The following SCO1 variants were observed in gnomAD, a reference collection of about 807,000 sequenced individuals.
SCO1 encodes synthesis of cytochrome C oxidase 1, also known as cytochrome c oxidase assembly factor SCO1.
SCO1 carries 23 observed loss-of-function variants against 34.0 expected under a neutral mutation model. The observed-to-expected ratio is 0.68, with a 90% confidence interval of 0.49 to 0.96. The LOEUF (loss-of-function observed/expected upper bound fraction) is 0.96, where lower values mean the gene tolerates loss of function less well. Among genes scored for constraint, SCO1 ranks in the 40% least tolerant of loss-of-function variants. The probability of loss-of-function intolerance (pLI) is 0.00; values close to 1 mark genes in which losing one functional copy is unlikely to be tolerated. For synonymous variants in SCO1, 161 were observed against 145.5 expected, an observed-to-expected ratio of 1.11 and a Z score of -0.77; for missense variants, 404 against 381.6, an observed-to-expected ratio of 1.06 and a Z score of -0.49.
chr17:10,697,245 G>C lies in SCO1; in HGVS notation c.263C>G (p.Ser88Trp), dbSNP rs745856586. 3.2e-6 allele frequency: 5 copies of C among 1,558,334 alleles called. No homozygotes were observed. In the East Asian group the frequency reaches 9.4e-5, roughly 29 times the overall value. The change falls in exon 1 of 6, where the codon TCG (serine) becomes TGG (tryptophan). Residue 88 changes from serine (S) to tryptophan (W), a missense_variant. Ser to Trp is a radical substitution (Grantham distance 177, BLOSUM62 -3). Coordinates refer to ENST00000255390, the MANE Select transcript of SCO1 (RefSeq NM_004589.4). ...CAGGTGTGCACTCACCCCGGGCTTCGAGGGGCGCGTGGAGTCTCCGGGGCC... is the reference window on the plus strand; with the variant it reads ...CAGGTGTGCACTCACCCCGGGCTTCCAGGGGCGCGTGGAGTCTCCGGGGCC... ...QKGPGDSTRPSKPGPVSWKSL... is the reference protein window; with the variant it reads ...QKGPGDSTRPWKPGPVSWKSL...
chr17:10,693,477 G>A (rs909386191), intron 2 of SCO1, among the ~76,000 whole-genome samples: 6 of 152,200 alleles, frequency 3.9e-5, no homozygotes, highest in African/African-American at 1.4e-4. Context: ...GAGAGAAAGA[G>A]AGCTAGGCTG....
intron 3 of SCO1, among the ~76,000 whole-genome samples, chr17:10,692,365 A>T (rs536961116): frequency 2.0e-5 from 3 of 152,214 alleles, no homozygotes; most frequent in Non-Finnish European, 4.4e-5. Flanking sequence ...ATATCCTGAA[A>T]TAATTCACTG....
chr17:10,695,921 T>A, intron 1 of SCO1, 90 bp from the exon 2 acceptor site: 1 of 910,752 alleles, frequency 1.1e-6, no homozygotes, highest in South Asian at 1.3e-5. Flanking sequence ...TTAATATACA[T>A]ACACACAGGC....
At position 10,673,909 on chromosome 17, in the gene SCO1, A is replaced by C. The variant is rs1222468670; in HGVS notation, c.*7210T>G. The C allele has an allele frequency of 6.6e-6, 1 of 152,208 alleles. No homozygotes were observed. Among genetic ancestry groups the C allele is most frequent in the Non-Finnish European group, 1.5e-5 (1 of 68,036 alleles). The allele number at this position is 152,208 out of a possible 1,614,324, so 9.4% of individuals were successfully genotyped here. A position where few individuals can be genotyped will look rare whatever the true frequency, so the allele number is the denominator to read the frequency against. On this transcript the variant is annotated 3_prime_UTR_variant, in exon 6 of 6. Coordinates refer to ENST00000255390, the MANE Select transcript of SCO1 (RefSeq NM_004589.4). ...TGGGGCAATTAAATAATTATCAGAA[A>C]ATGGAATTTGTTTATTTGAGAGACT...
chr17:10,690,960 T>C (rs1468575092), intron 4 of SCO1, among the ~76,000 whole-genome samples: 1 of 152,150 alleles, frequency 6.6e-6, no homozygotes, highest in African/African-American at 2.4e-5. Context: ...AAATACTGCA[T>C]ATTCATACGT....
Position 10,677,769 on chromosome 17 carries a change from G to C in SCO1, c.*3350C>G, listed in dbSNP as rs1452416129. On this transcript the variant is annotated 3_prime_UTR_variant, in exon 6 of 6. Coordinates refer to ENST00000255390, the MANE Select transcript of SCO1 (RefSeq NM_004589.4). ...AATATTAATTCTATTGAAGAGTCTA[G>C]TGAAAACACTGTAACCCACCCAGGT... 1 of 152,202 alleles carries C rather than the reference G, an allele frequency of 6.6e-6. No individual in the cohort carries two copies. Among genetic ancestry groups the C allele is most frequent in the Non-Finnish European group, 1.5e-5 (1 of 68,050 alleles). The allele number at this position is 152,202 out of a possible 1,614,324, so 9.4% of individuals were successfully genotyped here.
chr17:10,686,327 G>A (rs965720765), intron 5 of SCO1, among the ~76,000 whole-genome samples: 7 of 152,094 alleles, frequency 4.6e-5, no homozygotes, highest in South Asian at 2.1e-4. Context: ...GGTGGCTCAC[G>A]TCTGTAATCC....
intron 5 of SCO1, among the ~76,000 whole-genome samples, chr17:10,684,256 G>A (rs1360436010): frequency 6.6e-6 from 1 of 152,186 alleles, no homozygotes; most frequent in African/African-American, 2.4e-5. Context: ...TCTGTGTTGT[G>A]AGTATAAATT....
Position 10,674,444 on chromosome 17 carries a change from A to C in SCO1, c.*6675T>G, listed in dbSNP as rs1263391032. Reference sequence around the variant, plus strand: ...TCCATCTCAAAACAAACAAACAAACAAACAAAAAAACAGACTGTGATTGAG... The same window carrying C: ...TCCATCTCAAAACAAACAAACAAACCAACAAAAAAACAGACTGTGATTGAG... On this transcript the variant is annotated 3_prime_UTR_variant, in exon 6 of 6. Transcript: ENST00000255390. 1 of 288,054 alleles carries C rather than the reference A, an allele frequency of 3.5e-6. No individual in the cohort carries two copies. Among genetic ancestry groups the C allele is most frequent in the East Asian group, 1.3e-4 (1 of 7,478 alleles). The allele number at this position is 288,054 out of a possible 1,614,324, so 17.8% of individuals were successfully genotyped here. A position where few individuals can be genotyped will look rare whatever the true frequency, so the allele number is the denominator to read the frequency against.
intron 4 of SCO1, among the ~76,000 whole-genome samples, chr17:10,689,504 T>G (rs2074678226): frequency 6.6e-6 from 1 of 152,210 alleles, no homozygotes; most frequent in Non-Finnish European, 1.5e-5. Context: ...TTCCTGATTT[T>G]TAAGCACATA....
At position 10,674,631 on chromosome 17, in the gene SCO1, C is replaced by G. The variant is rs1328400284; in HGVS notation, c.*6488G>C. 1.9e-5 allele frequency: 3 copies of G among 156,514 alleles called. No homozygotes were observed. The highest frequency in any genetic ancestry group is 7.2e-5 in the African/African-American group (3 of 41,460). The allele number at this position is 156,514 out of a possible 1,614,324, so 9.7% of individuals were successfully genotyped here. A position where few individuals can be genotyped will look rare whatever the true frequency, so the allele number is the denominator to read the frequency against. ...TAATTCACCACTTGGGCCCTTCTTC[C>G]TCTATACAGTGAGGACATACCAGAT... On this transcript the variant is annotated 3_prime_UTR_variant, in exon 6 of 6. Transcript: ENST00000255390.
rs1328461588 is a variant in SCO1 at position 10,681,140 on chromosome 17, C to T, written c.885G>A (p.Arg295=). The change falls in exon 6 of 6, where the codon AGG becomes AGA. Residue 295 remains arginine (R), a synonymous_variant. Transcript: ENST00000255390. ...TTGGCTAGCTCTTTTTTCTGTATGG[C>T]CTCATGTGTGTGGCAATTGAAGCAG... The part of the protein sequence containing the change: ...EIAASIATHM[R]PYRKKS 6.2e-7 allele frequency: 1 copy of T among 1,614,168 alleles called. No homozygotes were observed. The highest frequency in any genetic ancestry group is 1.3e-5 in the African/African-American group (1 of 75,052).
rs1195899028 is a variant in SCO1 at position 10,692,973 on chromosome 17, A to G, written c.365-12T>C. 4 of 1,613,396 alleles carry G rather than the reference A, an allele frequency of 2.5e-6. No homozygotes were observed. The highest frequency in any genetic ancestry group is 1.3e-5 in the African/African-American group (1 of 74,904). On this transcript the variant is annotated splice_polypyrimidine_tract_variant and intron_variant, in intron 2 of 5. Transcript: ENST00000255390. ...TTCCTTCTCTAACTCTTAAGGAGAC[A>G]AAAACATATCGACACCAAAAAAAAA...
At chr17:10,687,911 T>G (rs926712867) in intron 4 of SCO1, among the ~76,000 whole-genome samples, 1 of 152,234 alleles carries the variant, frequency 6.6e-6, no homozygotes, top group African/African-American at 2.4e-5. Context: ...AACACATGTT[T>G]AAATTGAAGA....
At chr17:10,685,648 CT>C (rs2074651136) in intron 5 of SCO1, among the ~76,000 whole-genome samples, 2 of 152,240 alleles carry the variant, frequency 1.3e-5, no homozygotes, top group Admixed American at 6.5e-5. Flanking sequence ...AACCTTTCAT[CT>C]TTTGCTTTTC....
At chr17:10,686,529 C>T (rs543715416) in intron 5 of SCO1, among the ~76,000 whole-genome samples, 198 bp downstream of exon 5, 3 of 147,234 alleles carry the variant, frequency 2.0e-5, no homozygotes, top group Non-Finnish European at 3.0e-5. Context: ...TTGCAGTGAG[C>T]GAAGATTGTG....
rs903477040 is a variant in SCO1, at chr17:10,676,638, T to C, written c.*4481A>G. 2.6e-5 allele frequency: 4 copies of C among 152,182 alleles called. No individual in the cohort carries two copies. The highest frequency in any genetic ancestry group is 6.5e-5 in the Admixed American group (1 of 15,282). 9.4% of individuals were successfully genotyped at this position (152,182 alleles called of 1,614,324 possible). A position where few individuals can be genotyped will look rare whatever the true frequency, so the allele number is the denominator to read the frequency against. The stretch of plus-strand genomic sequence containing the variant: ...TTAAATACCCACATCAATGTTCTCA[T>C]GAAATAGTGCACAGAGTCAGTGACT... On this transcript the variant is annotated 3_prime_UTR_variant, in exon 6 of 6. Coordinates refer to ENST00000255390, the MANE Select transcript of SCO1 (RefSeq NM_004589.4).
intron 4 of SCO1, among the ~76,000 whole-genome samples, chr17:10,691,522 T>A (rs2074688970): frequency 6.6e-6 from 1 of 152,242 alleles, no homozygotes; most frequent in African/African-American, 2.4e-5. Flanking sequence ...CCAGAATATA[T>A]GTTTGTTCTG....
chr17:10,695,937 T>C, intron 1 of SCO1, 106 bp from the exon 2 acceptor site: 1 of 805,956 alleles, frequency 1.2e-6, no homozygotes, highest in South Asian at 1.4e-5. Context: ...CAGGCCATGA[T>C]GTTAAATGTG....
Sources: gnomAD v4.1 joint callset for allele counts (sites outside exome capture counted in the v4.1 genomes callset) on GRCh38, gnomAD v4.1.1 for gene constraint, MANE v1.5 for transcripts, NCBI Gene and HGNC (gene_info 2026-07-23, HGNC 2026-07-21) for gene names.